CYB5A: variants seen among roughly 807,000 people sequenced by gnomAD.
The protein encoded by CYB5A is cytochrome b5.
Under a neutral mutation model 16.2 loss-of-function variants are expected in CYB5A, and 10 were observed. The observed-to-expected ratio is 0.62, with a 90% CI of 0.38 to 1.04. CYB5A has a LOEUF of 1.04. Among genes scored for constraint, CYB5A ranks in the 50% least tolerant of loss-of-function variants. The pLI is 0.01. For missense variants in CYB5A, 161 were observed against 165.9 expected (o/e 0.97, Z 0.16); for synonymous variants, 62 against 57.0 (o/e 1.09, Z -0.40).
In CYB5A at chr18:74,253,072, C is replaced by A; in HGVS notation, c.*512G>T. 1.3e-5 allele frequency: 2 copies of A among 157,676 alleles called. No individual in the cohort carries two copies. The highest frequency in any genetic ancestry group is 2.8e-5 in the Non-Finnish European group (2 of 71,502). 9.8% of individuals were successfully genotyped at this position (157,676 alleles called of 1,614,324 possible). ...AAATCCTTAAACTATAATTTCTGGC[C>A]TTTCTTAATTTCCTTGAAAAAAAGA... On this transcript the variant is annotated 3_prime_UTR_variant, in exon 5 of 5. Coordinates refer to ENST00000340533, the MANE Select transcript of CYB5A (RefSeq NM_148923.4).
Position 74,251,915 on chromosome 18 carries a change from T to C in CYB5A, c.*1669A>G, listed in dbSNP as rs1290626122. 1 of 152,246 alleles carries C rather than the reference T, an allele frequency of 6.6e-6. No homozygotes were observed. Among genetic ancestry groups the C allele is most frequent in the Non-Finnish European group, 1.5e-5 (1 of 68,040 alleles). The allele number at this position is 152,246 out of a possible 1,614,324, so 9.4% of individuals were successfully genotyped here. A position where few individuals can be genotyped will look rare whatever the true frequency, so the allele number is the denominator to read the frequency against. On this transcript the variant is annotated 3_prime_UTR_variant, in exon 5 of 5. Coordinates refer to ENST00000340533, the MANE Select transcript of CYB5A (RefSeq NM_148923.4). Reference sequence around the variant, plus strand: ...TTAAAAATGATTTACAAGTTAACCCTTTAATGTCATCTAAGGTACGACTGA... The same window carrying C: ...TTAAAAATGATTTACAAGTTAACCCCTTAATGTCATCTAAGGTACGACTGA...
At chr18:74,264,241 A>G (rs1166708794) in intron 1 of CYB5A, among the ~76,000 whole-genome samples, 2 of 149,172 alleles carry the variant, frequency 1.3e-5, no homozygotes, top group Non-Finnish European at 3.0e-5. Context: ...GCGAGAAAGA[A>G]AGAACCTTTC....
chr18:74,261,182 A>G, intron 2 of CYB5A: 1 of 481,830 alleles, frequency 2.1e-6, no homozygotes, highest in Non-Finnish European at 3.8e-6. Flanking sequence ...AGCACCCATG[A>G]CAGCTCTCTG....
At chr18:74,283,824 C>A (rs1385899071) in intron 1 of CYB5A, among the ~76,000 whole-genome samples, 1 of 152,208 alleles carries the variant, frequency 6.6e-6, no homozygotes, top group Non-Finnish European at 1.5e-5. Flanking sequence ...CCTGGCTTTG[C>A]TCCTTATCGT....
At chr18:74,270,203 C>A (rs2145059705) in intron 1 of CYB5A, among the ~76,000 whole-genome samples, 1 of 152,040 alleles carries the variant, frequency 6.6e-6, no homozygotes, top group African/African-American at 2.4e-5. Context: ...TCATCCATCA[C>A]CTCACTTATG....
intron 1 of CYB5A, among the ~76,000 whole-genome samples, chr18:74,267,510 T>C (rs1264488735): frequency 6.6e-6 from 1 of 151,944 alleles, no homozygotes; most frequent in South Asian, 2.1e-4. Flanking sequence ...CAAAGAAAAA[T>C]TGGGAATGCT....
At chr18:74,281,844 T>G (rs1418269611) in intron 1 of CYB5A, among the ~76,000 whole-genome samples, 2 of 140,490 alleles carry the variant, frequency 1.4e-5, no homozygotes, top group African/African-American at 5.9e-5. Context: ...GTGTGTGTGT[T>G]TTGCAGGAAA....
chr18:74,268,050 T>C (rs897132359), intron 1 of CYB5A, among the ~76,000 whole-genome samples: 5 of 152,238 alleles, frequency 3.3e-5, no homozygotes, highest in Non-Finnish European at 5.9e-5. Context: ...TTTGTTATTA[T>C]GCACTTGAGT....
chr18:74,261,908 T>C (rs1982215428), intron 2 of CYB5A, among the ~76,000 whole-genome samples: 1 of 152,142 alleles, frequency 6.6e-6, no homozygotes, highest in Non-Finnish European at 1.5e-5. Context: ...TTTGTCCCCT[T>C]CTGGCGGGCT....
chr18:74,255,481 A>G (rs1449556317), intron 4 of CYB5A, among the ~76,000 whole-genome samples: 1 of 152,180 alleles, frequency 6.6e-6, no homozygotes, highest in East Asian at 1.9e-4. Context: ...CCCTGGGGGA[A>G]AAGGAAATGC....
chr18:74,271,220 C>T (rs1790889), intron 1 of CYB5A, among the ~76,000 whole-genome samples: 2,073 of 152,312 alleles, frequency 0.014, 43 homozygotes, highest in African/African-American at 0.047. Context: ...CAATGTGATC[C>T]AATCTTGAAG....
rs1234322900 is a variant in CYB5A at position 74,260,793 on chromosome 18, T to C, written c.288+122A>G. On this transcript the variant is annotated intron_variant, in intron 3 of 4. Coordinates refer to ENST00000340533, the MANE Select transcript of CYB5A (RefSeq NM_148923.4). ...ACTTGCTGAGCCAGTAGGTTACATA[T>C]TCATTTATCTAGAAAGACCTGTGCT... is the stretch of plus-strand genomic sequence containing the variant. 3 of 841,366 alleles carry C rather than the reference T, an allele frequency of 3.6e-6. No homozygotes were observed. In the Admixed American group the frequency reaches 5.2e-5, roughly 15 times the overall value. The allele number at this position is 841,366 out of a possible 1,614,324, so 52.1% of individuals were successfully genotyped here.
chr18:74,257,555 G>T (rs1356105960), intron 3 of CYB5A: 1 of 152,404 alleles, frequency 6.6e-6, no homozygotes, highest in Non-Finnish European at 1.5e-5. Flanking sequence ...TTTTATGATT[G>T]GCTCTGCCAC....
At chr18:74,256,497 G>A (rs944929887) in intron 3 of CYB5A, 4 of 351,418 alleles carry the variant, frequency 1.1e-5, no homozygotes, top group African/African-American at 6.4e-5. Flanking sequence ...TAAAGTGAAT[G>A]GACAATGGTT....
At chr18:74,275,890 G>A (rs554009181) in intron 1 of CYB5A, among the ~76,000 whole-genome samples, 1 of 152,134 alleles carries the variant, frequency 6.6e-6, no homozygotes, top group Non-Finnish European at 1.5e-5. Context: ...AGGAGCCGTC[G>A]CCACACAGTA....
chr18:74,275,104 G>A (rs946854203), intron 1 of CYB5A, among the ~76,000 whole-genome samples: 4 of 152,162 alleles, frequency 2.6e-5, no homozygotes, highest in Non-Finnish European at 5.9e-5. Context: ...GGAACTTCTC[G>A]AAGAGAGCGT....
intron 1 of CYB5A, among the ~76,000 whole-genome samples, chr18:74,291,491 G>A (rs993397157): frequency 1.3e-5 from 2 of 148,428 alleles, no homozygotes; most frequent in Non-Finnish European, 3.0e-5. Context: ...ACTAGCAGGT[G>A]TGCGGACTCG....
intron 1 of CYB5A, among the ~76,000 whole-genome samples, chr18:74,281,821 GGTGT>G (rs34280956): frequency 0.017 from 2,492 of 144,554 alleles, 79 homozygotes; most frequent in African/African-American, 0.058. Context: ...AGGAGAGGAG[GGTGT>G]GTGTGTGTGT....
intron 3 of CYB5A, chr18:74,256,963 C>T: frequency 2.2e-6 from 2 of 907,272 alleles, no homozygotes; most frequent in Admixed American, 2.1e-5. Context: ...TTCATAACTA[C>T]AGCAAGAGGA....
Sources: gnomAD v4.1 joint callset for allele counts (sites outside exome capture counted in the v4.1 genomes callset) on GRCh38, gnomAD v4.1.1 for gene constraint, MANE v1.5 for transcripts, NCBI Gene and HGNC (gene_info 2026-07-23, HGNC 2026-07-21) for gene names.